Variants in HMGXB3 observed in about 807,000 individuals in gnomAD.
The protein encoded by HMGXB3 is HMG-box containing 3, also known as HMG domain-containing protein 3.
In HMGXB3, 45 loss-of-function variants were observed where a neutral mutation model predicts 121.5. The observed-to-expected ratio is 0.37, with a 90% CI of 0.29 to 0.47. The LOEUF is 0.47. Ranked by LOEUF, HMGXB3 falls within the 20% of genes least tolerant of loss-of-function variation. The pLI is 0.99. For synonymous variants in HMGXB3, 590 were observed against 624.1 expected, an observed-to-expected ratio of 0.95 and a Z score of 0.81; for missense variants, 1,376 against 1,602.2, an observed-to-expected ratio of 0.86 and a Z score of 2.41.
In HMGXB3 at chr5:150,024,636, G is replaced by A. The variant is rs187332638; in HGVS notation, c.1416G>A (p.Gly472=). The A allele has an allele frequency of 3.0e-3, 4,633 of 1,551,542 alleles. 11 individuals are homozygous for A. Among genetic ancestry groups the A allele is most frequent in the Non-Finnish European group, 3.3e-3 (3,821 of 1,146,852 alleles). ...CAGACGTACCAACACCATCCGAGGG[G>A]ACAAGTACCTCCAGTCCACTCCCTG... ...PGADVPTPSE[G]TSTSSPLPAP... Residue 472 remains glycine, a synonymous_variant, in exon 7 of 20, where the codon GGG becomes GGA. Transcript: ENST00000502717.
chr5:150,050,269 G>T lies in HMGXB3; in HGVS notation c.3219G>T (p.Lys1073Asn). The change falls in exon 19 of 20, where the codon AAG becomes AAT. Residue 1073 changes from lysine (K) to asparagine (N), a missense_variant. By Grantham distance (94) the Lys-to-Asn change is moderately conservative (BLOSUM62 0). Transcript: ENST00000502717. ...TCTCCCAGGTGGTCTGCGGCTCCAAGTATCTTGTGCGAGGTGAGAGTGCCC... is the reference window on the plus strand; with the variant it reads ...TCTCCCAGGTGGTCTGCGGCTCCAATTATCTTGTGCGAGGTGAGAGTGCCC... The part of the protein sequence containing the change: ...VCPHQVVCGS[K>N]YLVRGESARD... 6.4e-7 allele frequency: 1 copy of T among 1,551,928 alleles called. No homozygotes were observed. Among genetic ancestry groups the T allele is most frequent in the Non-Finnish European group, 8.7e-7 (1 of 1,147,018 alleles).
At chr5:150,018,746 TTC>T in intron 6 of HMGXB3, 49 bp downstream of exon 6, 1 of 1,501,050 alleles carries the variant, frequency 6.7e-7, no homozygotes, top group Admixed American at 2.3e-5. Flanking sequence ...AGAATAGACT[TTC>T]TGTTTGCCAT....
rs986414867 is a variant in HMGXB3, at chr5:150,052,218, C to T, written c.*26C>T. ...GCCAGGCTGTTGTACAGGGACTACA[C>T]CATCTCTCAAGCCATAGTAAGGCCC... On this transcript the variant is annotated 3_prime_UTR_variant, in exon 20 of 20. Coordinates refer to ENST00000502717, the MANE Select transcript of HMGXB3 (RefSeq NM_014983.3). 4.0e-5 allele frequency: 60 copies of T among 1,488,458 alleles called. 1 individual carries two copies. In the Admixed American group the frequency reaches 5.2e-4, roughly 13 times the overall value. 92.2% of individuals were successfully genotyped at this position (1,488,458 alleles called of 1,614,324 possible).
At chr5:150,018,991 CCTT>C (rs1756022468) in intron 6 of HMGXB3, among the ~76,000 whole-genome samples, 1 of 150,986 alleles carries the variant, frequency 6.6e-6, no homozygotes. Context: ...TTCTTCTTTC[CCTT>C]CTTTTTTTTT....
rs759669252 is a variant in HMGXB3, at chr5:150,005,031, G to A, written c.137+42G>A. On this transcript the variant is annotated intron_variant, in intron 2 of 19. Coordinates refer to ENST00000502717, the MANE Select transcript of HMGXB3 (RefSeq NM_014983.3). ...TGGTTGCTGCTAGCATTTATAAACA[G>A]AAGTTGCTTGGAGAGCTGCATTGAG... The A allele has an allele frequency of 3.3e-5, 50 of 1,524,838 alleles. No individual in the cohort carries two copies. The African/African-American group carries it at 6.3e-4, about 19-fold the overall frequency. The allele number at this position is 1,524,838 out of a possible 1,614,324, so 94.5% of individuals were successfully genotyped here. A position where few individuals can be genotyped will look rare whatever the true frequency, so the allele number is the denominator to read the frequency against.
At chr5:150,016,139 G>GT (rs1755954915) in intron 5 of HMGXB3, among the ~76,000 whole-genome samples, 1 of 152,154 alleles carries the variant, frequency 6.6e-6, no homozygotes, top group South Asian at 2.1e-4. Context: ...GAGCCCAGGA[G>GT]TTCAAGACCA....
chr5:150,037,637 T>C, intron 13 of HMGXB3, 110 bp downstream of exon 13: 1 of 950,638 alleles, frequency 1.1e-6, no homozygotes, highest in Non-Finnish European at 1.4e-6. Flanking sequence ...AGATGGGGCT[T>C]CTGAGGAAGG....
chr5:150,044,450 G>A (rs1049880209), intron 15 of HMGXB3, among the ~76,000 whole-genome samples: 5 of 150,378 alleles, frequency 3.3e-5, no homozygotes, highest in African/African-American at 1.0e-4. Context: ...GGAATAAGGT[G>A]AGGAGAGGAG....
intron 2 of HMGXB3, among the ~76,000 whole-genome samples, chr5:150,005,371 G>A (rs535394771): frequency 3.2e-4 from 48 of 152,244 alleles, no homozygotes; most frequent in African/African-American, 7.9e-4. Context: ...AGGCTGAGAC[G>A]GGTGGATCAC....
At position 150,035,926 on chromosome 5, in the gene HMGXB3, T is replaced by G. The variant is rs149627436; in HGVS notation, c.1984-710T>G. Among the ~76,000 whole-genome samples the G allele has an allele frequency of 1.1e-3, 175 of 152,298 alleles. 1 individual carries two copies. The highest frequency in any genetic ancestry group is 3.8e-3 in the African/African-American group (157 of 41,572). Reference sequence around the variant, plus strand: ...CTTGTTTATGTATCAAAACTATCATTCATAGAGCCTTCATTGCACCATAGG... The same window carrying G: ...CTTGTTTATGTATCAAAACTATCATGCATAGAGCCTTCATTGCACCATAGG... On this transcript the variant is annotated intron_variant, in intron 11 of 19. Transcript: ENST00000502717.
At chr5:150,015,087 T>C (rs1433781286) in intron 5 of HMGXB3, 8 of 390,580 alleles carry the variant, frequency 2.0e-5, no homozygotes, top group South Asian at 6.9e-5. Flanking sequence ...GGGACAGATA[T>C]GGAGATACAG....
intron 11 of HMGXB3, 145 bp downstream of exon 11, chr5:150,032,748 G>C (rs1253670613): frequency 1.1e-6 from 1 of 927,424 alleles, no homozygotes; most frequent in African/African-American, 1.7e-5. Context: ...CTGAACCTGA[G>C]CAAGTGCCGC....
At chr5:150,051,647 C>T in intron 19 of HMGXB3, 78 bp from the exon 20 acceptor site, 1 of 1,175,774 alleles carries the variant, frequency 8.5e-7, no homozygotes, top group Admixed American at 2.4e-5. Context: ...CTGGCTGAGC[C>T]TAGAGTGTTC....
intron 5 of HMGXB3, among the ~76,000 whole-genome samples, chr5:150,013,895 G>T (rs1561855325): frequency 6.6e-6 from 1 of 152,292 alleles, no homozygotes; most frequent in East Asian, 1.9e-4. Context: ...AAAAAGTTTA[G>T]ACCTTAAAAT....
chr5:150,028,501 ATG>A (rs1184146545), intron 9 of HMGXB3, among the ~76,000 whole-genome samples: 3 of 96,842 alleles, frequency 3.1e-5, no homozygotes, highest in East Asian at 2.9e-4. Context: ...ATATATATGT[ATG>A]TATGTGTGTG....
At chr5:150,023,675 A>G (rs1374658288) in intron 6 of HMGXB3, among the ~76,000 whole-genome samples, 1 of 152,276 alleles carries the variant, frequency 6.6e-6, no homozygotes, top group Non-Finnish European at 1.5e-5. Flanking sequence ...TTTGTAGCAC[A>G]TAATAATGCA....
At chr5:150,047,840 C>T (rs1444273453) in intron 17 of HMGXB3, 83 bp downstream of exon 17, 24 of 1,446,670 alleles carry the variant, frequency 1.7e-5, no homozygotes, top group African/African-American at 2.8e-5. Flanking sequence ...ATATGAATAT[C>T]TGTGATGGCA....
At chr5:150,030,386 T>A (rs1756344472) in intron 9 of HMGXB3, 1 of 174,952 alleles carries the variant, frequency 5.7e-6, no homozygotes, top group Admixed American at 6.0e-5. Context: ...CCCTGTGACA[T>A]TTTAGTGAAT....
intron 10 of HMGXB3, among the ~76,000 whole-genome samples, chr5:150,031,989 C>T (rs1394478377): frequency 6.6e-6 from 1 of 151,986 alleles, no homozygotes; most frequent in Non-Finnish European, 1.5e-5. Context: ...TTAGGGGGAA[C>T]TACCCCTGAG....
Sources: gnomAD v4.1 joint callset for allele counts (sites outside exome capture counted in the v4.1 genomes callset) on GRCh38, gnomAD v4.1.1 for gene constraint, MANE v1.5 for transcripts, NCBI Gene and HGNC (gene_info 2026-07-23, HGNC 2026-07-21) for gene names.